ZNF623: variants seen among roughly 807,000 people sequenced by gnomAD.
ZNF623 encodes the protein zinc finger protein 623.
In ZNF623, 16 loss-of-function variants were observed where a neutral mutation model predicts 24.0. The observed-to-expected ratio is 0.67, with a 90% CI of 0.45 to 1.01. The LOEUF is 1.01. Ranked by LOEUF, ZNF623 falls within the 50% of genes least tolerant of loss-of-function variation. ZNF623 has a pLI of 0.00. For missense variants in ZNF623, 566 were observed against 606.5 expected (o/e 0.93, Z 0.70); for synonymous variants, 224 against 219.8 (o/e 1.02, Z -0.17).
Position 143,651,863 on chromosome 8 carries a change from T to C in ZNF623, c.*380T>C, listed in dbSNP as rs144867884. 12 of 194,868 alleles carry C rather than the reference T, an allele frequency of 6.2e-5. No homozygotes were observed. In the East Asian group the frequency reaches 1.6e-3, roughly 27 times the overall value. The allele number at this position is 194,868 out of a possible 1,614,324, so 12.1% of individuals were successfully genotyped here. A position where few individuals can be genotyped will look rare whatever the true frequency, so the allele number is the denominator to read the frequency against. The stretch of plus-strand genomic sequence containing the variant: ...TTTAGGAGAATGTTACCTAGGACAT[T>C]TTGATGTGTTAAGTTGAAGAAAGGT... On this transcript the variant is annotated 3_prime_UTR_variant, in exon 2 of 2. Transcript: ENST00000526926.
Position 143,653,556 on chromosome 8 carries a change from A to C in ZNF623, c.*2073A>C, listed in dbSNP as rs1419321645. 1 of 167,082 alleles carries C rather than the reference A, an allele frequency of 6.0e-6. No homozygotes were observed. Among genetic ancestry groups the C allele is most frequent in the Admixed American group, 6.5e-5 (1 of 15,282 alleles). 10.3% of individuals were successfully genotyped at this position (167,082 alleles called of 1,614,324 possible). ...GAACCAAAAACGTTTCTGTCACCCA[A>C]AGAAGTTCCCTTTTGCCTTTTCCTA... On this transcript the variant is annotated 3_prime_UTR_variant, in exon 2 of 2. Coordinates refer to ENST00000526926, the MANE Select transcript of ZNF623 (RefSeq NM_001261843.2).
chr8:143,650,304 G>A lies in ZNF623; in HGVS notation c.312G>A (p.Ser104=), dbSNP rs1037578505. 10 of 1,614,080 alleles carry A rather than the reference G, an allele frequency of 6.2e-6. No individual in the cohort carries two copies. Among genetic ancestry groups the A allele is most frequent in the South Asian group, 4.4e-5 (4 of 91,086 alleles). The change falls in exon 2 of 2, where the codon TCG becomes TCA. Residue 104 remains serine (S), a synonymous_variant. Transcript: ENST00000526926. The surrounding 1 kb of genome is among the most constrained non-coding windows in gnomAD (Gnocchi z 5.2). ...CGGACCTAGTTAGGCATCGGATTTC[G>A]CATGCTGGGGAGAAACCTTACACGT... ...FNSDLVRHRI[S]HAGEKPYTCD... is the part of the protein sequence containing the mutation.
intron 1 of ZNF623, among the ~76,000 whole-genome samples, chr8:143,644,277 C>G (rs1284745770): frequency 6.6e-6 from 1 of 152,180 alleles, no homozygotes; most frequent in Middle Eastern, 3.2e-3. Context: ...CTTAGCCTCC[C>G]AAAGTGTTGG....
rs144210785 is a variant in ZNF623 at position 143,650,501 on chromosome 8, C to A, written c.509C>A (p.Ala170Glu). 6.2e-7 allele frequency: 1 copy of A among 1,614,078 alleles called. No homozygotes were observed. The highest frequency in any genetic ancestry group is 8.5e-7 in the Non-Finnish European group (1 of 1,180,032). Residue 170 changes from alanine to glutamate, a missense_variant, in exon 2 of 2, where the codon GCG (alanine) becomes GAG (glutamate). Ala to Glu is a moderately radical substitution (Grantham distance 107). Around this residue, in one of 3 missense-constraint regions of ZNF623, gnomAD observed 313 missense variants for 300.4 expected, o/e 1.04. Transcript: ENST00000526926. This position sits in a 1 kb window ranked among gnomAD's most constrained non-coding sequence, Gnocchi z 5.2. ...VHSGEKPFKCAQCGKAFCHSS... is the reference protein window; with the variant it reads ...VHSGEKPFKCEQCGKAFCHSS... ...TCAGGAGAAAAGCCCTTCAAATGTGCGCAGTGTGGGAAGGCGTTTTGTCAC... is the reference window on the plus strand; with the variant it reads ...TCAGGAGAAAAGCCCTTCAAATGTGAGCAGTGTGGGAAGGCGTTTTGTCAC...
At chr8:143,647,217 G>A (rs1257650160) in intron 1 of ZNF623, among the ~76,000 whole-genome samples, 1 of 152,108 alleles carries the variant, frequency 6.6e-6, no homozygotes, top group African/African-American at 2.4e-5. Flanking sequence ...CTGGAGTGCA[G>A]TGGCACAATT....
Position 143,652,757 on chromosome 8 carries a change from A to T in ZNF623, c.*1274A>T, listed in dbSNP as rs1322310787. 1 of 166,774 alleles carries T rather than the reference A, an allele frequency of 6.0e-6. No individual in the cohort carries two copies. Among genetic ancestry groups the T allele is most frequent in the Non-Finnish European group, 1.5e-5 (1 of 68,058 alleles). The allele number at this position is 166,774 out of a possible 1,614,324, so 10.3% of individuals were successfully genotyped here. On this transcript the variant is annotated 3_prime_UTR_variant, in exon 2 of 2. Coordinates refer to ENST00000526926, the MANE Select transcript of ZNF623 (RefSeq NM_001261843.2). The stretch of plus-strand genomic sequence containing the variant: ...AGGCACAGTCTCAATGCGCTACGTA[A>T]CTCTTCTGTTGTAGCAGTTCTGAGG...
At chr8:143,638,159 G>A (rs1814965873) in intron 1 of ZNF623, among the ~76,000 whole-genome samples, 1 of 151,896 alleles carries the variant, frequency 6.6e-6, no homozygotes, top group Non-Finnish European at 1.5e-5. Context: ...TGACCAACAT[G>A]GTGAAACCCC....
intron 1 of ZNF623, among the ~76,000 whole-genome samples, chr8:143,639,902 C>T (rs766819224): frequency 6.6e-5 from 10 of 152,174 alleles, no homozygotes; most frequent in Admixed American, 2.0e-4. Context: ...CCCTTCTCGC[C>T]TCATCTTGGT....
rs763676883 is a variant in ZNF623, at chr8:143,650,639, T to G, written c.647T>G (p.Ile216Ser). Residue 216 changes from isoleucine to serine, a missense_variant, in exon 2 of 2, where the codon ATT (isoleucine) becomes AGT (serine). This residue lies in a region of ZNF623 where 313 missense variants were observed against 300.4 expected (regional missense o/e 1.04). Coordinates refer to ENST00000526926, the MANE Select transcript of ZNF623 (RefSeq NM_001261843.2). This position sits in a 1 kb window ranked among gnomAD's most constrained non-coding sequence, Gnocchi z 5.2. Reference protein sequence around the residue: ...QSSLLIRHQRIHTGERPYECN... With the variant: ...QSSLLIRHQRSHTGERPYECN... ...TCCTTACTTATTCGCCATCAGAGGA[T>G]TCACACGGGAGAAAGGCCCTATGAG... The G allele has an allele frequency of 1.9e-6, 3 of 1,614,016 alleles. No homozygotes were observed. Among genetic ancestry groups the G allele is most frequent in the South Asian group, 2.2e-5 (2 of 91,072 alleles).
chr8:143,650,994 C>CT lies in ZNF623; in HGVS notation c.1003dup (p.Tyr335LeufsTer2). ...AGAGAATTCACACTGGAGAGAAACTCTATGAATGTAACGAGTGTGGGAAAG... is the reference window on the plus strand; with the variant it reads ...AGAGAATTCACACTGGAGAGAAACTCTTATGAATGTAACGAGTGTGGGAAAG... On this transcript the variant is annotated frameshift_variant, in exon 2 of 2. Transcript: ENST00000526926. LOFTEE classifies it high-confidence loss of function. This position sits in a 1 kb window ranked among gnomAD's most constrained non-coding sequence, Gnocchi z 5.2. 6.2e-7 allele frequency: 1 copy of CT among 1,613,896 alleles called. No individual in the cohort carries two copies. The highest frequency in any genetic ancestry group is 1.1e-5 in the South Asian group (1 of 91,054).
In ZNF623 at chr8:143,651,699, ACT is replaced by A. The variant is rs1174114158; in HGVS notation, c.*219_*220del. The A allele has an allele frequency of 1.2e-5, 6 of 512,576 alleles. No homozygotes were observed. Among genetic ancestry groups the A allele is most frequent in the Middle Eastern group, 5.2e-4 (1 of 1,924 alleles). The allele number at this position is 512,576 out of a possible 1,614,324, so 31.8% of individuals were successfully genotyped here. ...GGAGAGTCACAGGGCTTGACACCTG[ACT>A]CTGAGCTGGAACAGTAGGGGCAGGG... On this transcript the variant is annotated 3_prime_UTR_variant, in exon 2 of 2. Transcript: ENST00000526926.
intron 1 of ZNF623, among the ~76,000 whole-genome samples, chr8:143,641,295 C>T (rs777105747): frequency 3.9e-5 from 6 of 152,222 alleles, no homozygotes; most frequent in African/African-American, 1.4e-4. Context: ...CCTTGTGAAA[C>T]ATATTTCTTA....
chr8:143,650,767 G>T lies in ZNF623; in HGVS notation c.775G>T (p.Ala259Ser), dbSNP rs761341285. 6.2e-7 allele frequency: 1 copy of T among 1,614,148 alleles called. No individual in the cohort carries two copies. Among genetic ancestry groups the T allele is most frequent in the South Asian group, 1.1e-5 (1 of 91,076 alleles). Residue 259 changes from alanine (A) to serine (S), a missense_variant, in exon 2 of 2, where the codon GCA becomes TCA. By Grantham distance (99) the Ala-to-Ser change is moderately conservative. Coordinates refer to ENST00000526926, the MANE Select transcript of ZNF623 (RefSeq NM_001261843.2). This position sits in a 1 kb window ranked among gnomAD's most constrained non-coding sequence, Gnocchi z 5.2. The part of the protein sequence containing the change: ...KQYECKECGK[A>S]FRHRSDLIEH... ...GTATGAATGCAAAGAATGTGGGAAG[G>T]CATTCCGTCATCGCTCAGACCTTAT...
Position 143,651,149 on chromosome 8 carries a change from C to T in ZNF623, c.1157C>T (p.Ser386Phe). The T allele has an allele frequency of 6.2e-7, 1 of 1,614,150 alleles. No homozygotes were observed. Among genetic ancestry groups the T allele is most frequent in the Non-Finnish European group, 8.5e-7 (1 of 1,180,012 alleles). ...AHLTEHQKIHSGDRPFECKDC... is the reference protein window; with the variant it reads ...AHLTEHQKIHFGDRPFECKDC... The stretch of plus-strand genomic sequence containing the variant: ...CTCACTGAGCACCAGAAGATCCACT[C>T]TGGGGACAGGCCCTTCGAATGTAAA... Residue 386 changes from serine (S) to phenylalanine (F), a missense_variant, in exon 2 of 2, where the codon TCT (serine) becomes TTT (phenylalanine). Ser to Phe is a radical substitution (Grantham distance 155). Around this residue, in one of 3 missense-constraint regions of ZNF623, gnomAD observed 136 missense variants for 131.9 expected, o/e 1.03. Transcript: ENST00000526926.
intron 1 of ZNF623, among the ~76,000 whole-genome samples, chr8:143,644,851 G>A (rs1217678485): frequency 6.6e-6 from 1 of 151,340 alleles, no homozygotes; most frequent in Admixed American, 6.6e-5. Context: ...AAAAAAGCCC[G>A]GGCGCAGTTG....
chr8:143,645,628 T>C (rs910473645), intron 1 of ZNF623, among the ~76,000 whole-genome samples: 9 of 152,160 alleles, frequency 5.9e-5, no homozygotes, highest in African/African-American at 2.2e-4. Flanking sequence ...AAGTGATTCC[T>C]GGCTGGGAGC....
At chr8:143,645,457 A>C (rs557265611) in intron 1 of ZNF623, among the ~76,000 whole-genome samples, 26 of 151,594 alleles carry the variant, frequency 1.7e-4, no homozygotes, top group African/African-American at 6.3e-4. Context: ...ACAAATCCTC[A>C]GACTTGAGGC....
chr8:143,642,861 A>G (rs1262433261), intron 1 of ZNF623, among the ~76,000 whole-genome samples: 1 of 152,180 alleles, frequency 6.6e-6, no homozygotes, highest in Non-Finnish European at 1.5e-5. Context: ...TGTGGAGGGC[A>G]GAGTTCTGAG....
Position 143,651,513 on chromosome 8 carries a change from G to T in ZNF623, c.*30G>T, listed in dbSNP as rs1375393851. ...ATTACTTTCCCGCCCAGTGAGTGAT[G>T]TTTGGAAATGCGTGGAATTAGGATT... On this transcript the variant is annotated 3_prime_UTR_variant, in exon 2 of 2. Transcript: ENST00000526926. 4 of 1,529,416 alleles carry T rather than the reference G, an allele frequency of 2.6e-6. No homozygotes were observed. The highest frequency in any genetic ancestry group is 1.8e-6 in the Non-Finnish European group (2 of 1,141,746). 94.7% of individuals were successfully genotyped at this position (1,529,416 alleles called of 1,614,324 possible). A position where few individuals can be genotyped will look rare whatever the true frequency, so the allele number is the denominator to read the frequency against.
Sources: allele counts gnomAD v4.1 joint callset (sites outside exome capture counted in the v4.1 genomes callset), GRCh38; gene constraint gnomAD v4.1.1; regional missense constraint gnomAD v4.1.1; non-coding constraint Gnocchi (gnomAD v3.1); transcripts MANE v1.5; gene names NCBI Gene and HGNC (gene_info 2026-07-23, HGNC 2026-07-21).